The following TIAM1 variants were observed in gnomAD, a reference collection of about 807,000 sequenced individuals.
TIAM1 encodes the protein TIAM Rac1 associated GEF 1.
In TIAM1, 65 loss-of-function variants were observed where a neutral mutation model predicts 163.5. The observed-to-expected ratio is 0.40, with a 90% CI of 0.33 to 0.49. The LOEUF (loss-of-function observed/expected upper bound fraction) is 0.49, where lower values mean the gene tolerates loss of function less well. Among genes scored for constraint, TIAM1 ranks in the 20% least tolerant of loss-of-function variants. The pLI is 0.77. For synonymous variants in TIAM1, 833 were observed against 810.1 expected, an observed-to-expected ratio of 1.03 and a Z score of -0.48; for missense variants, 1,789 against 2,044.7, an observed-to-expected ratio of 0.87 and a Z score of 2.41.
chr21:31,194,459 T>C (rs933496219), intron 13 of TIAM1, among the ~76,000 whole-genome samples: 15 of 152,232 alleles, frequency 9.9e-5, no homozygotes, highest in African/African-American at 2.7e-4. Context: ...TCAAAATTTA[T>C]AGTTTTCGGG....
chr21:31,227,904 T>C (rs1184780018), intron 6 of TIAM1, among the ~76,000 whole-genome samples: 1 of 151,944 alleles, frequency 6.6e-6, no homozygotes, highest in Non-Finnish European at 1.5e-5. Flanking sequence ...GGTGGGGTTA[T>C]ACTCCCAGCC....
At chr21:31,236,909 C>T (rs1250488406) in intron 6 of TIAM1, among the ~76,000 whole-genome samples, 1 of 152,132 alleles carries the variant, frequency 6.6e-6, no homozygotes, top group East Asian at 1.9e-4. Flanking sequence ...CCCAAAGAGA[C>T]GTGGCAGGAG....
At chr21:31,444,810 C>A (rs1009987653) in intron 2 of TIAM1, among the ~76,000 whole-genome samples, 5 of 152,122 alleles carry the variant, frequency 3.3e-5, no homozygotes, top group African/African-American at 1.2e-4. Flanking sequence ...ACCAGCCTGA[C>A]CAACATGGTG....
At position 31,127,039 on chromosome 21, in the gene TIAM1, C is replaced by G. The variant is rs1317426738; in HGVS notation, c.4133+26G>C. On this transcript the variant is annotated intron_variant, in intron 26 of 27. Transcript: ENST00000541036. Reference sequence around the variant, plus strand: ...CCAATCTGCAGAAATGTCAACACGGCCTCGACTTTACAGGCCCAGGCTCAC... The same window carrying G: ...CCAATCTGCAGAAATGTCAACACGGGCTCGACTTTACAGGCCCAGGCTCAC... 3.7e-6 allele frequency: 6 copies of G among 1,611,884 alleles called. No individual in the cohort carries two copies. In the Admixed American group the frequency reaches 8.3e-5, roughly 22 times the overall value.
intron 4 of TIAM1, among the ~76,000 whole-genome samples, chr21:31,253,635 G>A (rs2071939252): frequency 6.6e-6 from 1 of 152,150 alleles, no homozygotes; most frequent in African/African-American, 2.4e-5. Context: ...GGAGATTGCT[G>A]GGTGAGCTTC....
chr21:31,496,299 GA>G (rs2046638792), intron 1 of TIAM1, among the ~76,000 whole-genome samples: 1 of 151,964 alleles, frequency 6.6e-6, no homozygotes, highest in African/African-American at 2.4e-5. Context: ...AGACCAACCT[GA>G]CCAACATGGT....
chr21:31,331,112 T>C (rs1019058405), intron 2 of TIAM1, among the ~76,000 whole-genome samples: 3 of 151,744 alleles, frequency 2.0e-5, no homozygotes, highest in African/African-American at 7.3e-5. Context: ...GAGCCAGTGC[T>C]AAAAAAAACA....
chr21:31,182,711 T>G, intron 14 of TIAM1, 66 bp from the exon 15 acceptor site: 1 of 1,516,854 alleles, frequency 6.6e-7, no homozygotes, highest in Non-Finnish European at 8.9e-7. Flanking sequence ...GCTTAGGAGC[T>G]CTGCTATAAA....
At chr21:31,281,782 T>C (rs2073578677) in intron 2 of TIAM1, among the ~76,000 whole-genome samples, 1 of 151,446 alleles carries the variant, frequency 6.6e-6, no homozygotes, top group African/African-American at 2.4e-5. Flanking sequence ...TGGATGGAGA[T>C]AGAGATATGG....
intron 6 of TIAM1, among the ~76,000 whole-genome samples, chr21:31,229,412 A>T (rs987182297): frequency 6.6e-6 from 1 of 152,178 alleles, no homozygotes; most frequent in Non-Finnish European, 1.5e-5. Context: ...TTTTTCTATA[A>T]CTATGCTAAA....
chr21:31,275,158 A>G (rs1432919246), intron 3 of TIAM1, among the ~76,000 whole-genome samples: 2 of 152,028 alleles, frequency 1.3e-5, no homozygotes, highest in African/African-American at 4.8e-5. Flanking sequence ...TAATATGTAA[A>G]TATTTCACAT....
chr21:31,466,356 A>C (rs1415870799), intron 1 of TIAM1, among the ~76,000 whole-genome samples: 1 of 152,192 alleles, frequency 6.6e-6, no homozygotes, highest in Non-Finnish European at 1.5e-5. Context: ...TGACTTAGAC[A>C]ACAAGGATAG....
intron 5 of TIAM1, among the ~76,000 whole-genome samples, chr21:31,248,168 T>C (rs2071606768): frequency 6.6e-6 from 1 of 152,122 alleles, no homozygotes; most frequent in African/African-American, 2.4e-5. Flanking sequence ...TCAACACTAA[T>C]GAAAAGTAGA....
chr21:31,155,433 G>A (rs2083569681), intron 16 of TIAM1, among the ~76,000 whole-genome samples: 1 of 152,144 alleles, frequency 6.6e-6, no homozygotes, highest in South Asian at 2.1e-4. Flanking sequence ...TAGAGGCTAT[G>A]TAGTAGCACA....
At chr21:31,294,100 G>A (rs938914168) in intron 2 of TIAM1, among the ~76,000 whole-genome samples, 2 of 152,162 alleles carry the variant, frequency 1.3e-5, no homozygotes, top group African/African-American at 4.8e-5. Context: ...AGGGTGGGGG[G>A]TGTCCCCAGC....
intron 6 of TIAM1, among the ~76,000 whole-genome samples, chr21:31,237,386 T>C (rs2070949312): frequency 6.6e-6 from 1 of 152,246 alleles, no homozygotes; most frequent in South Asian, 2.1e-4. Context: ...GTAGTTCTCT[T>C]GAGCCTGACG....
chr21:31,263,180 C>G (rs984777062), intron 4 of TIAM1, among the ~76,000 whole-genome samples: 3 of 151,542 alleles, frequency 2.0e-5, no homozygotes, highest in African/African-American at 7.3e-5. Context: ...ATAATACTTC[C>G]GTGCATTTTA....
chr21:31,548,170 C>A (rs141308604), intron 1 of TIAM1, among the ~76,000 whole-genome samples: 1 of 130,416 alleles, frequency 7.7e-6, no homozygotes, highest in African/African-American at 3.0e-5. Context: ...GAGAGAGTCC[C>A]GCTGTGTCAC....
chr21:31,178,038 C>G (rs1016561649), intron 15 of TIAM1, among the ~76,000 whole-genome samples: 3 of 152,134 alleles, frequency 2.0e-5, no homozygotes, highest in Admixed American at 6.5e-5. Context: ...CCATCCTGCC[C>G]GTTGTACAAA....
Sources: gnomAD v4.1 joint callset for allele counts (sites outside exome capture counted in the v4.1 genomes callset) on GRCh38, gnomAD v4.1.1 for gene constraint, MANE v1.5 for transcripts, NCBI Gene and HGNC (gene_info 2026-07-23, HGNC 2026-07-21) for gene names.